Variants in LRRC7 observed in about 807,000 individuals in gnomAD.
LRRC7 encodes leucine-rich repeat-containing protein 7.
Under a neutral mutation model 175.7 loss-of-function variants are expected in LRRC7, and 23 were observed. The observed-to-expected ratio is 0.13, with a 90% confidence interval of 0.09 to 0.19. The LOEUF (loss-of-function observed/expected upper bound fraction) is 0.19, where lower values mean the gene tolerates loss of function less well. Ranked by LOEUF, LRRC7 falls within the 10% of genes least tolerant of loss-of-function variation. LRRC7 has a pLI of 1.00. For synonymous variants in LRRC7, 685 were observed against 680.9 expected (o/e 1.01, Z -0.09); for missense variants, 1,354 against 1,904.7 (o/e 0.71, Z 5.38).
intron 8 of LRRC7, among the ~76,000 whole-genome samples, chr1:69,947,778 AT>A (rs898700638): frequency 1.3e-5 from 2 of 151,794 alleles, no homozygotes; most frequent in East Asian, 1.9e-4. Context: ...TATATATACT[AT>A]TTTTTTTACA....
At chr1:69,898,042 A>G (rs1646029172) in intron 7 of LRRC7, among the ~76,000 whole-genome samples, 1 of 152,194 alleles carries the variant, frequency 6.6e-6, no homozygotes, top group Non-Finnish European at 1.5e-5. Flanking sequence ...AATTAACTGA[A>G]GCCTTGAACT....
chr1:69,856,964 C>A (rs1046665425), intron 7 of LRRC7, among the ~76,000 whole-genome samples: 1 of 152,096 alleles, frequency 6.6e-6, no homozygotes, highest in Non-Finnish European at 1.5e-5. Context: ...TCAACATACA[C>A]AAATCAATAA....
At chr1:69,995,240 G>A (rs979234582) in intron 11 of LRRC7, among the ~76,000 whole-genome samples, 2 of 151,868 alleles carry the variant, frequency 1.3e-5, no homozygotes, top group African/African-American at 4.8e-5. Context: ...AATTCTTTAA[G>A]AACTATATAT....
At chr1:69,985,409 G>C (rs1428801670) in intron 9 of LRRC7, among the ~76,000 whole-genome samples, 2 of 152,140 alleles carry the variant, frequency 1.3e-5, no homozygotes, top group Admixed American at 1.3e-4. Context: ...CAATGTCATT[G>C]TTTCAGTGGC....
intron 1 of LRRC7, among the ~76,000 whole-genome samples, chr1:69,663,847 G>A (rs1206317010): frequency 1.3e-5 from 2 of 149,690 alleles, no homozygotes; most frequent in East Asian, 4.0e-4. Flanking sequence ...TCAGCCTCCC[G>A]AGTAGCTGGG....
chr1:69,743,094 T>C (rs72675040), intron 2 of LRRC7, among the ~76,000 whole-genome samples: 11,335 of 152,076 alleles, frequency 0.075, 552 homozygotes, highest in Middle Eastern at 0.14. Flanking sequence ...TGGACTTTTC[T>C]TTCTGATAAA....
At chr1:69,678,501 C>T in intron 2 of LRRC7, 23 bp downstream of exon 2, 1 of 1,546,466 alleles carries the variant, frequency 6.5e-7, no homozygotes, top group Non-Finnish European at 8.8e-7. Context: ...AATAGGATTA[C>T]CTGTGTTCTA....
At chr1:70,065,982 T>C (rs889570207) in intron 23 of LRRC7, among the ~76,000 whole-genome samples, 16 of 151,978 alleles carry the variant, frequency 1.1e-4, no homozygotes, top group African/African-American at 2.7e-4. Context: ...AAAACTTTCA[T>C]TGGGAGAAGC....
chr1:69,741,504 T>C (rs554606714), intron 2 of LRRC7, among the ~76,000 whole-genome samples: 97 of 151,834 alleles, frequency 6.4e-4, no homozygotes, highest in Middle Eastern at 6.8e-3. Context: ...AGACTAGAAG[T>C]GGAACTAGAG....
rs1290788434 is a variant in LRRC7, at chr1:70,125,598, C to T, written c.*3711C>T. On this transcript the variant is annotated 3_prime_UTR_variant, in exon 27 of 27. Coordinates refer to ENST00000651989, the MANE Select transcript of LRRC7 (RefSeq NM_001370785.2). ...ACGAGGTCAGGAGATCGAGACCATC[C>T]CAGCTAAAACGGTGAAACCCCGTCT... 6.6e-6 allele frequency among the ~76,000 whole-genome samples: 1 copy of T among 151,756 alleles called. No individual in the cohort carries two copies. The highest frequency in any genetic ancestry group is 2.4e-5 in the African/African-American group (1 of 41,326).
intron 1 of LRRC7, among the ~76,000 whole-genome samples, chr1:69,579,510 T>C (rs1646104962): frequency 6.6e-6 from 1 of 152,172 alleles, no homozygotes; most frequent in African/African-American, 2.4e-5. Context: ...TTTAAATGAC[T>C]GTTTCCCAAA....
At chr1:69,752,044 C>T in intron 2 of LRRC7, among the ~76,000 whole-genome samples, 1 of 152,070 alleles carries the variant, frequency 6.6e-6, no homozygotes, top group East Asian at 1.9e-4. Context: ...AAAACAAACC[C>T]ATGAAGTCTG....
chr1:69,911,281 C>A (rs776993099), intron 7 of LRRC7, among the ~76,000 whole-genome samples: 2 of 152,236 alleles, frequency 1.3e-5, no homozygotes, highest in African/African-American at 4.8e-5. Context: ...AATCACCCAT[C>A]TTCTGCATCA....
intron 7 of LRRC7, among the ~76,000 whole-genome samples, chr1:69,863,151 A>G (rs1432578614): frequency 6.6e-6 from 1 of 152,046 alleles, no homozygotes; most frequent in Non-Finnish European, 1.5e-5. Flanking sequence ...AAATCTGTCT[A>G]TTTCGCTTAT....
chr1:69,686,530 C>A (rs1352568977), intron 2 of LRRC7, among the ~76,000 whole-genome samples: 2 of 152,020 alleles, frequency 1.3e-5, no homozygotes, highest in Non-Finnish European at 2.9e-5. Flanking sequence ...ACACTGATAC[C>A]AGTAGACTGT....
intron 4 of LRRC7, among the ~76,000 whole-genome samples, chr1:69,797,090 G>A (rs975248556): frequency 1.3e-5 from 2 of 152,006 alleles, no homozygotes; most frequent in African/African-American, 4.8e-5. Context: ...ATGTTTGGCA[G>A]GTAAATAAGA....
At chr1:70,073,904 G>C (rs1325613190) in intron 23 of LRRC7, among the ~76,000 whole-genome samples, 1 of 152,164 alleles carries the variant, frequency 6.6e-6, no homozygotes, top group Non-Finnish European at 1.5e-5. Context: ...AGTTCATTCA[G>C]AATACAGCGG....
At chr1:69,850,697 TA>T (rs1682880293) in intron 7 of LRRC7, among the ~76,000 whole-genome samples, 1 of 152,082 alleles carries the variant, frequency 6.6e-6, no homozygotes, top group African/African-American at 2.4e-5. Context: ...ATTTTGGGTT[TA>T]ACTAATTGGA....
intron 23 of LRRC7, among the ~76,000 whole-genome samples, chr1:70,058,167 G>A (rs4650018): frequency 0.13 from 19,536 of 151,866 alleles, 1,729 homozygotes; most frequent in African/African-American, 0.24. Context: ...TCACCACCAC[G>A]CCTGGCTAAT....
Sources: allele counts gnomAD v4.1 joint callset (sites outside exome capture counted in the v4.1 genomes callset), GRCh38; gene constraint gnomAD v4.1.1; transcripts MANE v1.5; gene names NCBI Gene and HGNC (gene_info 2026-07-23, HGNC 2026-07-21).